The following PDE11A variants were observed in gnomAD, a reference collection of about 807,000 sequenced individuals.
PDE11A encodes the protein dual 3',5'-cyclic-AMP and -GMP phosphodiesterase 11A.
In PDE11A, 100 loss-of-function variants were observed where a neutral mutation model predicts 100.5. The ratio of observed to expected loss-of-function variants is 1.00; its 90% confidence interval spans 0.85 to 1.18. The LOEUF (loss-of-function observed/expected upper bound fraction) is 1.18, where lower values mean the gene tolerates loss of function less well. Among genes scored for constraint, PDE11A ranks in the 50% most tolerant of loss-of-function variants. PDE11A has a pLI of 0.00. For synonymous variants in PDE11A, 381 were observed against 420.8 expected (o/e 0.91, Z 1.16); for missense variants, 1,141 against 1,152.6 (o/e 0.99, Z 0.15).
At chr2:177,841,726 C>A (rs1208525457) in intron 5 of PDE11A, among the ~76,000 whole-genome samples, 1 of 152,148 alleles carries the variant, frequency 6.6e-6, no homozygotes. Context: ...GCATATTAAA[C>A]ATTAATAATA....
intron 1 of PDE11A, among the ~76,000 whole-genome samples, chr2:178,025,225 G>T (rs1193604770): frequency 1.3e-5 from 2 of 152,180 alleles, no homozygotes; most frequent in African/African-American, 4.8e-5. Flanking sequence ...TTATGGACCT[G>T]AAGTGGTGTA....
chr2:177,945,700 C>A (rs1404931310), intron 2 of PDE11A, among the ~76,000 whole-genome samples: 2 of 152,042 alleles, frequency 1.3e-5, no homozygotes, highest in South Asian at 2.1e-4. Context: ...CGTCTCCGCC[C>A]GGCAGCCACC....
chr2:177,794,326 G>C (rs2105541538), intron 9 of PDE11A, among the ~76,000 whole-genome samples: 1 of 152,300 alleles, frequency 6.6e-6, no homozygotes, highest in South Asian at 2.1e-4. Flanking sequence ...TGCCCAGCTT[G>C]TTTAAGGAAA....
chr2:177,645,791 AC>A (rs1450829618), intron 19 of PDE11A, among the ~76,000 whole-genome samples: 7 of 152,228 alleles, frequency 4.6e-5, no homozygotes, highest in African/African-American at 1.4e-4. Context: ...CCAAGTTATA[AC>A]AAAAGATGAT....
At position 177,627,310 on chromosome 2, in the gene PDE11A, A is replaced by T. The variant is rs2079852217; in HGVS notation, c.*2097T>A. On this transcript the variant is annotated 3_prime_UTR_variant, in exon 20 of 20. Transcript: ENST00000286063. ...CTCGGCCTTCCAAATTGCTGGGATT[A>T]CAGGCGTGAGCCACCGCGCCCGGTC... is the stretch of plus-strand genomic sequence containing the variant. 2 of 151,742 alleles carry T rather than the reference A, an allele frequency of 1.3e-5. No individual in the cohort carries two copies. Among genetic ancestry groups the T allele is most frequent in the Non-Finnish European group, 2.9e-5 (2 of 68,030 alleles). 9.4% of individuals were successfully genotyped at this position (151,742 alleles called of 1,614,324 possible).
At chr2:177,803,407 A>T (rs2082821599) in intron 9 of PDE11A, among the ~76,000 whole-genome samples, 1 of 151,960 alleles carries the variant, frequency 6.6e-6, no homozygotes, top group South Asian at 2.1e-4. Flanking sequence ...TCCTCCTGAA[A>T]CTATTCAAAA....
intron 1 of PDE11A, among the ~76,000 whole-genome samples, chr2:178,107,169 C>G (rs2087629707): frequency 6.6e-6 from 1 of 151,978 alleles, no homozygotes; most frequent in Non-Finnish European, 1.5e-5. Flanking sequence ...ACGTTTACTT[C>G]TGCCCTCTCT....
chr2:177,962,647 T>C (rs1250677775), intron 2 of PDE11A, among the ~76,000 whole-genome samples: 1 of 152,084 alleles, frequency 6.6e-6, no homozygotes, highest in Admixed American at 6.5e-5. Flanking sequence ...CAAGCATACA[T>C]GAAAGATGAA....
intron 2 of PDE11A, among the ~76,000 whole-genome samples, chr2:177,992,401 T>C (rs1340776639): frequency 2.1e-5 from 3 of 144,320 alleles, no homozygotes; most frequent in African/African-American, 7.7e-5. Flanking sequence ...AACGCCTGCA[T>C]CAAAAACACT....
At chr2:177,987,367 C>G (rs1173035943) in intron 2 of PDE11A, among the ~76,000 whole-genome samples, 1 of 152,206 alleles carries the variant, frequency 6.6e-6, no homozygotes, top group Non-Finnish European at 1.5e-5. Flanking sequence ...CATTCAATTA[C>G]CATAGAACAA....
chr2:177,680,853 T>C lies in PDE11A; in HGVS notation c.2396A>G (p.Asn799Ser). 1.9e-6 allele frequency: 3 copies of C among 1,589,344 alleles called. No homozygotes were observed. The highest frequency in any genetic ancestry group is 8.6e-7 in the Non-Finnish European group (1 of 1,158,272). Residue 799 changes from asparagine (N) to serine (S), a missense_variant, in exon 16 of 20, where the codon AAC becomes AGC. Physicochemically the swap from Asn to Ser is conservative, Grantham distance 46. Coordinates refer to ENST00000286063, the MANE Select transcript of PDE11A (RefSeq NM_016953.4). ...ELVSKGEYDW[N>S]IKNHRDIFRS... Reference sequence around the variant, plus strand: ...AAATATATCACGATGGTTTTTGATGTTCCAATCGTATTCTCCTTTACTGAC... The same window carrying C: ...AAATATATCACGATGGTTTTTGATGCTCCAATCGTATTCTCCTTTACTGAC...
At chr2:177,731,546 C>G (rs994144542) in intron 10 of PDE11A, among the ~76,000 whole-genome samples, 3 of 152,146 alleles carry the variant, frequency 2.0e-5, no homozygotes, top group African/African-American at 7.2e-5. Context: ...CCTGCACGCC[C>G]ACCCTCACCC....
At chr2:177,818,964 T>TATATAA in intron 7 of PDE11A, among the ~76,000 whole-genome samples, 1 of 151,952 alleles carries the variant, frequency 6.6e-6, no homozygotes, top group South Asian at 2.1e-4. Context: ...CATATATATA[T>TATATAA]AAATAATGAA....
At chr2:178,030,797 G>A (rs1372278138) in intron 1 of PDE11A, among the ~76,000 whole-genome samples, 1 of 152,192 alleles carries the variant, frequency 6.6e-6, no homozygotes, top group Non-Finnish European at 1.5e-5. Flanking sequence ...GGGATCACCT[G>A]AGCCCAGGAG....
intron 4 of PDE11A, among the ~76,000 whole-genome samples, chr2:177,890,873 T>A (rs910950291): frequency 6.6e-6 from 1 of 152,218 alleles, no homozygotes; most frequent in Non-Finnish European, 1.5e-5. Flanking sequence ...CATGTTCTGA[T>A]AAAAACAGCT....
intron 2 of PDE11A, among the ~76,000 whole-genome samples, chr2:178,009,838 A>G (rs1413527148): frequency 6.6e-6 from 1 of 152,204 alleles, no homozygotes; most frequent in African/African-American, 2.4e-5. Flanking sequence ...TCCATATTAC[A>G]AAATGTTTTG....
intron 19 of PDE11A, among the ~76,000 whole-genome samples, chr2:177,659,267 GAAAAAA>G (rs71010812): frequency 2.9e-4 from 37 of 128,192 alleles, no homozygotes; most frequent in African/African-American, 7.2e-4. Context: ...ATCTCAGGGG[GAAAAAA>G]AAAAAAAAAA....
At chr2:178,072,988 G>A, upstream of PDE11A, 1 of 985,310 alleles carries the variant, frequency 1.0e-6, no homozygotes, top group Non-Finnish European at 1.2e-6. Flanking sequence ...ACGATTAGAA[G>A]AGGGAAACGC....
intron 9 of PDE11A, among the ~76,000 whole-genome samples, chr2:177,808,306 T>C (rs1487936312): frequency 6.6e-6 from 1 of 152,216 alleles, no homozygotes; most frequent in Non-Finnish European, 1.5e-5. Flanking sequence ...TGAATCAACA[T>C]GAGTAGATAG....
Sources: gnomAD v4.1 joint callset for allele counts (sites outside exome capture counted in the v4.1 genomes callset) on GRCh38, gnomAD v4.1.1 for gene constraint, MANE v1.5 for transcripts, NCBI Gene and HGNC (gene_info 2026-07-23, HGNC 2026-07-21) for gene names.